EPB41L4B: variants seen among roughly 807,000 people sequenced by gnomAD.
The protein encoded by EPB41L4B is band 4.1-like protein 4B.
Under a neutral mutation model 112.5 loss-of-function variants are expected in EPB41L4B, and 30 were observed. The observed-to-expected ratio is 0.27, with a 90% CI of 0.20 to 0.36. The LOEUF is 0.36. Among genes scored for constraint, EPB41L4B ranks in the 10% least tolerant of loss-of-function variants. The pLI is 1.00. For synonymous variants in EPB41L4B, 408 were observed against 439.7 expected (o/e 0.93, Z 0.90); for missense variants, 1,024 against 1,133.3 (o/e 0.90, Z 1.38).
At chr9:109,224,065 C>G (rs10979762) in intron 15 of EPB41L4B, among the ~76,000 whole-genome samples, 63,168 of 151,828 alleles carry the variant, frequency 0.42, 13,394 homozygotes, top group Admixed American at 0.51. Context: ...TAAAATAAAC[C>G]AGGGGAAACT....
intron 18 of EPB41L4B, 89 bp downstream of exon 18, chr9:109,207,835 C>A: frequency 2.7e-6 from 4 of 1,495,046 alleles, no homozygotes; most frequent in South Asian, 1.2e-5. Context: ...ACTGACACAG[C>A]ATCTCAGTCC....
intron 15 of EPB41L4B, among the ~76,000 whole-genome samples, chr9:109,226,670 TA>T (rs1833777083): frequency 2.9e-5 from 1 of 34,052 alleles, no homozygotes; most frequent in Non-Finnish European, 7.0e-5. Flanking sequence ...ATATGAAGAA[TA>T]TATATATATG....
At chr9:109,306,202 T>C (rs985420877) in intron 1 of EPB41L4B, among the ~76,000 whole-genome samples, 4 of 152,180 alleles carry the variant, frequency 2.6e-5, no homozygotes, top group African/African-American at 9.7e-5. Context: ...TTAAATGAAA[T>C]GATCAAAGGT....
chr9:109,223,914 G>A (rs1036922694), intron 15 of EPB41L4B, among the ~76,000 whole-genome samples: 7 of 152,124 alleles, frequency 4.6e-5, no homozygotes, highest in African/African-American at 1.7e-4. Context: ...AGCTACTCTG[G>A]AGGCTGAAGC....
intron 1 of EPB41L4B, among the ~76,000 whole-genome samples, chr9:109,308,027 C>T (rs1027364174): frequency 1.3e-5 from 2 of 152,164 alleles, no homozygotes; most frequent in African/African-American, 4.8e-5. Flanking sequence ...GATTTTGGAC[C>T]AGGTGTTCTC....
chr9:109,226,769 A>AAT (rs912705870), intron 15 of EPB41L4B, among the ~76,000 whole-genome samples: 13 of 141,860 alleles, frequency 9.2e-5, no homozygotes, highest in African/African-American at 3.1e-4. Context: ...TATATATATG[A>AAT]ATATATATAT....
At chr9:109,230,491 T>C (rs1024111957) in intron 15 of EPB41L4B, among the ~76,000 whole-genome samples, 2 of 152,342 alleles carry the variant, frequency 1.3e-5, no homozygotes, top group South Asian at 2.1e-4. Flanking sequence ...AGCTCAATGA[T>C]ATAATTTGAT....
intron 1 of EPB41L4B, among the ~76,000 whole-genome samples, chr9:109,312,281 G>A (rs965345356): frequency 2.6e-5 from 4 of 152,202 alleles, no homozygotes; most frequent in Non-Finnish European, 4.4e-5. Flanking sequence ...GTTTTTCTTT[G>A]AGATAATTTT....
In EPB41L4B at chr9:109,200,269, G is replaced by A; in HGVS notation, c.2012C>T (p.Pro671Leu). Residue 671 changes from proline to leucine, a missense_variant, in exon 20 of 26, where the codon CCC (proline) becomes CTC (leucine). Physicochemically the swap from Pro to Leu is moderately conservative, Grantham distance 98. Transcript: ENST00000374566. Reference sequence around the variant, plus strand: ...CTGTCTTGTTAACTTCCTCACTCGGGGAGGCTTGATTTCCGGCTTTTCCAC... The same window carrying A: ...CTGTCTTGTTAACTTCCTCACTCGGAGAGGCTTGATTTCCGGCTTTTCCAC... ...PAVEKPEIKPPRVRKLTRQYS... is the reference protein window; with the variant it reads ...PAVEKPEIKPLRVRKLTRQYS... The A allele has an allele frequency of 6.2e-7, 1 of 1,614,068 alleles. No individual in the cohort carries two copies. Among genetic ancestry groups the A allele is most frequent in the Non-Finnish European group, 8.5e-7 (1 of 1,180,000 alleles).
intron 20 of EPB41L4B, among the ~76,000 whole-genome samples, chr9:109,195,138 T>A (rs1266416888): frequency 6.6e-6 from 1 of 152,112 alleles, no homozygotes; most frequent in African/African-American, 2.4e-5. Context: ...GCTTTAAGGG[T>A]GGTGCTGGGG....
intron 6 of EPB41L4B, among the ~76,000 whole-genome samples, chr9:109,259,720 T>C (rs1210588995): frequency 1.3e-5 from 2 of 152,210 alleles, no homozygotes; most frequent in African/African-American, 4.8e-5. Context: ...GGCCTATTAG[T>C]TCTCCCTTCT....
chr9:109,244,980 A>C (rs1834495052), intron 14 of EPB41L4B, among the ~76,000 whole-genome samples: 1 of 152,220 alleles, frequency 6.6e-6, no homozygotes, highest in African/African-American at 2.4e-5. Context: ...GTATTCAAGC[A>C]GCCTTTCCTT....
intron 22 of EPB41L4B, among the ~76,000 whole-genome samples, chr9:109,186,880 C>A (rs1370056795): frequency 6.6e-6 from 1 of 152,216 alleles, no homozygotes; most frequent in East Asian, 1.9e-4. Context: ...ATGGGCCCAG[C>A]CGTGGCATCT....
intron 1 of EPB41L4B, among the ~76,000 whole-genome samples, chr9:109,295,525 C>T (rs996788815): frequency 5.3e-5 from 8 of 152,294 alleles, no homozygotes; most frequent in African/African-American, 1.9e-4. Flanking sequence ...GAAATCTGCA[C>T]ATTCAAGTCC....
Position 109,213,132 on chromosome 9 carries a change from C to G in EPB41L4B, c.1752+568G>C, listed in dbSNP as rs141024866. Among the ~76,000 whole-genome samples the G allele has an allele frequency of 1.1e-3, 167 of 152,276 alleles. 1 individual carries two copies. The highest frequency in any genetic ancestry group is 2.9e-3 in the Admixed American group (45 of 15,304). On this transcript the variant is annotated intron_variant, in intron 17 of 25. Transcript: ENST00000374566. ...AACCTTGAGAAAGTCATTTCCCTTC[C>G]TCTGGTCTGAGACATTGAGAAGGTT...
intron 19 of EPB41L4B, among the ~76,000 whole-genome samples, chr9:109,203,010 CT>C (rs774376598): frequency 2.6e-5 from 4 of 152,070 alleles, no homozygotes; most frequent in Non-Finnish European, 4.4e-5. Context: ...CAAAAATTAG[CT>C]GGCACAGTGG....
chr9:109,319,410 C>A (rs1306682815), intron 1 of EPB41L4B, among the ~76,000 whole-genome samples: 3 of 152,158 alleles, frequency 2.0e-5, no homozygotes, highest in Non-Finnish European at 2.9e-5. Context: ...CCCCCGGGCA[C>A]CCCGGGGTCG....
At chr9:109,257,971 G>C (rs1427974777) in intron 7 of EPB41L4B, among the ~76,000 whole-genome samples, 2 of 152,168 alleles carry the variant, frequency 1.3e-5, no homozygotes, top group African/African-American at 4.8e-5. Context: ...ACTCTGGCCT[G>C]GGCAACAGAG....
intron 1 of EPB41L4B, among the ~76,000 whole-genome samples, chr9:109,295,038 A>G (rs1362873552): frequency 6.6e-6 from 1 of 152,164 alleles, no homozygotes; most frequent in Non-Finnish European, 1.5e-5. Flanking sequence ...ACTCCAAACC[A>G]TTAACAATTA....
Sources: gnomAD v4.1 joint callset for allele counts (sites outside exome capture counted in the v4.1 genomes callset) on GRCh38, gnomAD v4.1.1 for gene constraint, MANE v1.5 for transcripts, NCBI Gene and HGNC (gene_info 2026-07-23, HGNC 2026-07-21) for gene names.